The following AP1G1 variants were observed in gnomAD, a reference collection of about 807,000 sequenced individuals.
The protein encoded by AP1G1 is AP-1 complex subunit gamma-1.
A neutral mutation model predicts 108.3 loss-of-function variants in AP1G1; 7 were observed. The ratio of observed to expected loss-of-function variants is 0.06; its 90% confidence interval spans 0.04 to 0.12. The LOEUF (loss-of-function observed/expected upper bound fraction) is 0.12. AP1G1 is among the 10% of genes least tolerant of loss of function. The probability of loss-of-function intolerance (pLI) is 1.00; values close to 1 mark genes in which losing one functional copy is unlikely to be tolerated. For synonymous variants in AP1G1, 379 were observed against 353.5 expected, an observed-to-expected ratio of 1.07 and a Z score of -0.81; for missense variants, 756 against 1,010.7, an observed-to-expected ratio of 0.75 and a Z score of 3.42.
chr16:71,737,336 T>G (rs1290133570), intron 21 of AP1G1, among the ~76,000 whole-genome samples: 1 of 152,186 alleles, frequency 6.6e-6, no homozygotes, highest in South Asian at 2.1e-4. Context: ...CAGGCTAAAG[T>G]GCAGTGGCAT....
Position 71,769,668 on chromosome 16 carries a change from T to C in AP1G1, c.597A>G (p.Thr199=), listed in dbSNP as rs144293264. 1.9e-4 allele frequency: 303 copies of C among 1,613,696 alleles called. No individual in the cohort carries two copies. In the African/African-American group the frequency reaches 3.5e-3, roughly 19 times the overall value. Residue 199 remains threonine (T), a synonymous_variant, in exon 6 of 23, where the codon ACA becomes ACG. Coordinates refer to ENST00000299980, the MANE Select transcript of AP1G1 (RefSeq NM_001128.6). ...GVLHTSVVLL[T]EMCERSPDML... ...TGTCTGGGCTTCGCTCACACATTTC[T>C]GTGAGGAGGACTACAGATGTGTGGA...
intron 16 of AP1G1, among the ~76,000 whole-genome samples, chr16:71,747,861 T>C (rs560544894): frequency 9.9e-5 from 15 of 152,216 alleles, no homozygotes; most frequent in African/African-American, 3.4e-4. Flanking sequence ...TGTGCACTTA[T>C]AGTCCCAGCT....
intron 4 of AP1G1, 46 bp downstream of exon 4, chr16:71,773,175 A>T: frequency 6.2e-7 from 1 of 1,602,800 alleles, no homozygotes; most frequent in Non-Finnish European, 8.5e-7. Context: ...TCTCATCTCC[A>T]TAATACTCCC....
At chr16:71,753,992 C>T in intron 12 of AP1G1, 105 bp from the exon 13 acceptor site, 1 of 1,070,994 alleles carries the variant, frequency 9.3e-7, no homozygotes. Flanking sequence ...GTCATCCCAA[C>T]ATCTTGGGAG....
chr16:71,757,790 A>G (rs557728458), intron 11 of AP1G1, among the ~76,000 whole-genome samples: 1 of 152,314 alleles, frequency 6.6e-6, no homozygotes, highest in Non-Finnish European at 1.5e-5. Context: ...TTCACAGCCC[A>G]GTAATGAGCT....
intron 1 of AP1G1, among the ~76,000 whole-genome samples, chr16:71,795,327 A>G (rs1428735885): frequency 7.9e-5 from 12 of 152,170 alleles, no homozygotes; most frequent in Non-Finnish European, 1.5e-5. Context: ...AAAATCACCT[A>G]TTTTTCTATC....
intron 19 of AP1G1, among the ~76,000 whole-genome samples, chr16:71,740,258 G>C (rs2045602328): frequency 6.6e-6 from 1 of 152,118 alleles, no homozygotes; most frequent in Non-Finnish European, 1.5e-5. Flanking sequence ...TTTATTGTAG[G>C]ATATTAAGTA....
rs1487126847 is a variant in AP1G1, at chr16:71,732,345, A to G, written c.*713T>C. The G allele has an allele frequency of 6.6e-6, 1 of 152,666 alleles. No homozygotes were observed. The highest frequency in any genetic ancestry group is 1.5e-5 in the Non-Finnish European group (1 of 68,046). The allele number at this position is 152,666 out of a possible 1,614,324, so 9.5% of individuals were successfully genotyped here. A position where few individuals can be genotyped will look rare whatever the true frequency, so the allele number is the denominator to read the frequency against. ...TTACAAATAGAGCACCATATCCTTCATGCCAAATCTCAACAAAAGCTCTTT... is the reference window on the plus strand; with the variant it reads ...TTACAAATAGAGCACCATATCCTTCGTGCCAAATCTCAACAAAAGCTCTTT... On this transcript the variant is annotated 3_prime_UTR_variant, in exon 23 of 23. Transcript: ENST00000299980.
chr16:71,773,535 C>T (rs1378620498), intron 3 of AP1G1, among the ~76,000 whole-genome samples, 173 bp from the exon 4 acceptor site: 1 of 152,166 alleles, frequency 6.6e-6, no homozygotes, highest in Non-Finnish European at 1.5e-5. Context: ...ATATAGTAAA[C>T]AGACTGACAG....
intron 1 of AP1G1, among the ~76,000 whole-genome samples, chr16:71,791,306 A>T (rs904940962): frequency 1.3e-5 from 2 of 152,150 alleles, no homozygotes; most frequent in Non-Finnish European, 2.9e-5. Context: ...CAATTTTACC[A>T]TATGTTAACT....
Position 71,739,051 on chromosome 16 carries a change from G to T in AP1G1, c.2159C>A (p.Thr720Asn). The T allele has an allele frequency of 6.2e-7, 1 of 1,614,196 alleles. No homozygotes were observed. Among genetic ancestry groups the T allele is most frequent in the Non-Finnish European group, 8.5e-7 (1 of 1,180,014 alleles). The change falls in exon 21 of 23, where the codon ACC becomes AAC. Residue 720 changes from threonine (T) to asparagine (N), a missense_variant. Thr to Asn is a moderately conservative substitution (Grantham distance 65, BLOSUM62 0). Coordinates refer to ENST00000299980, the MANE Select transcript of AP1G1 (RefSeq NM_001128.6). ...GGGGTTGGTATTTGACCGTTCAAAGGTGAATTCTATCTTCAAGCCATTCTT... is the reference window on the plus strand; with the variant it reads ...GGGGTTGGTATTTGACCGTTCAAAGTTGAATTCTATCTTCAAGCCATTCTT... ...YSKNGLKIEF[T>N]FERSNTNPSV... is the part of the protein sequence containing the mutation.
At chr16:71,799,336 T>G (rs2032700162) in intron 1 of AP1G1, among the ~76,000 whole-genome samples, 1 of 152,226 alleles carries the variant, frequency 6.6e-6, no homozygotes. Flanking sequence ...AGGCGGCATG[T>G]ACAAGGATAT....
chr16:71,788,071 G>C (rs1028936157), intron 2 of AP1G1, among the ~76,000 whole-genome samples: 1 of 151,966 alleles, frequency 6.6e-6, no homozygotes, highest in African/African-American at 2.4e-5. Flanking sequence ...TAAAGATGTT[G>C]ACCCCACTCC....
At chr16:71,808,182 T>C in intron 1 of AP1G1, 1 of 1,090,698 alleles carries the variant, frequency 9.2e-7, no homozygotes, top group Non-Finnish European at 1.1e-6. Context: ...TACTCGCAGG[T>C]AGGTTGAAAA....
At chr16:71,798,329 G>A (rs1029455280) in intron 1 of AP1G1, among the ~76,000 whole-genome samples, 1 of 152,110 alleles carries the variant, frequency 6.6e-6, no homozygotes, top group African/African-American at 2.4e-5. Context: ...CTACCGAGTA[G>A]CCAGGACTAT....
chr16:71,761,651 T>A lies in AP1G1; in HGVS notation c.919-84A>T, dbSNP rs370812020. 1.4e-4 allele frequency: 140 copies of A among 1,001,660 alleles called. 1 individual carries two copies. The East Asian group carries it at 2.0e-3, about 14-fold the overall frequency. 62.0% of individuals were successfully genotyped at this position (1,001,660 alleles called of 1,614,324 possible). A position where few individuals can be genotyped will look rare whatever the true frequency, so the allele number is the denominator to read the frequency against. On this transcript the variant is annotated intron_variant, in intron 9 of 22. Transcript: ENST00000299980. ...GAGTTTAAAGGATCACTTCATGACCTCTGGTGCTTCACAGACTGCTAGCAA... is the reference window on the plus strand; with the variant it reads ...GAGTTTAAAGGATCACTTCATGACCACTGGTGCTTCACAGACTGCTAGCAA...
rs1471434035 is a variant in AP1G1, at chr16:71,789,435, C to T, written c.45G>A (p.Arg15=). ...GTTCTTCAGCTTGGGTTCGGGCTGT[C>T]CGGATGGTCCGGATCAGCTCCCGCA... ...IRLRELIRTI[R]TARTQAEERE... Residue 15 remains arginine, a synonymous_variant, in exon 2 of 23, where the codon CGG becomes CGA. Transcript: ENST00000299980. 6.2e-7 allele frequency: 1 copy of T among 1,614,144 alleles called. No individual in the cohort carries two copies.
intron 13 of AP1G1, among the ~76,000 whole-genome samples, chr16:71,750,879 G>T (rs547995492): frequency 6.6e-6 from 1 of 151,438 alleles, no homozygotes; most frequent in Admixed American, 6.6e-5. Flanking sequence ...TCCAAAGGCC[G>T]GGTGTGGTGG....
chr16:71,785,263 T>C (rs147651667), intron 2 of AP1G1, among the ~76,000 whole-genome samples: 129 of 152,190 alleles, frequency 8.5e-4, no homozygotes, highest in Non-Finnish European at 1.6e-3. Context: ...CCCAAGTTGT[T>C]TAAAACATAT....
Sources: allele counts gnomAD v4.1 joint callset (sites outside exome capture counted in the v4.1 genomes callset), GRCh38; gene constraint gnomAD v4.1.1; transcripts MANE v1.5; gene names NCBI Gene and HGNC (gene_info 2026-07-23, HGNC 2026-07-21).